ECHDC1: variants seen among roughly 807,000 people sequenced by gnomAD.
The protein encoded by ECHDC1 is ethylmalonyl-CoA decarboxylase.
A neutral mutation model predicts 29.7 loss-of-function variants in ECHDC1; 29 were observed. The ratio of observed to expected loss-of-function variants is 0.98; its 90% confidence interval spans 0.73 to 1.33. The LOEUF (loss-of-function observed/expected upper bound fraction) is 1.33. Among genes scored for constraint, ECHDC1 ranks in the 40% most tolerant of loss-of-function variants. The pLI is 0.00. For synonymous variants in ECHDC1, 126 were observed against 123.1 expected, an observed-to-expected ratio of 1.02 and a Z score of -0.15; for missense variants, 328 against 350.0, an observed-to-expected ratio of 0.94 and a Z score of 0.50.
rs768400895 is a variant in ECHDC1, at chr6:127,290,285, A to G, written c.498-8T>C. The G allele has an allele frequency of 6.2e-7, 1 of 1,603,344 alleles. No individual in the cohort carries two copies. Among genetic ancestry groups the G allele is most frequent in the Admixed American group, 1.7e-5 (1 of 57,530 alleles). On this transcript the variant is annotated splice_region_variant and splice_polypyrimidine_tract_variant and intron_variant, in intron 5 of 5. Transcript: ENST00000454859. ...CTCTCTGGAGTCATTAACCTGTAAA[A>G]GAAAAAAGAAAAGCTTAATTGTAAC...
chr6:127,296,280 G>A (rs141581358), intron 5 of ECHDC1, among the ~76,000 whole-genome samples: 2,444 of 151,976 alleles, frequency 0.016, 44 homozygotes, highest in South Asian at 0.056. Context: ...TGCAACCTCC[G>A]CCTCCCAGGT....
At chr6:127,316,648 T>C (rs1782408183) in intron 3 of ECHDC1, 146 bp from the exon 4 acceptor site, 2 of 645,880 alleles carry the variant, frequency 3.1e-6, no homozygotes, top group Non-Finnish European at 5.2e-6. Flanking sequence ...TTTGATGTTG[T>C]CTGAAATGCA....
rs764571034 is a variant in ECHDC1 at position 127,327,132 on chromosome 6, A to G, written c.233T>C (p.Leu78Pro). Residue 78 changes from leucine (L) to proline (P), a missense_variant, in exon 3 of 6, where the codon CTA becomes CCA. Leu to Pro is a moderately conservative substitution (Grantham distance 98). Transcript: ENST00000454859. The part of the protein sequence containing the change: ...RMNAFSGVMM[L>P]QLLEKVIELE... ...TTCAATTACTTTTTCCAGAAGTTGT[A>G]GCATCATAACACCTGCCAGAGATGG... 5 of 1,613,706 alleles carry G rather than the reference A, an allele frequency of 3.1e-6. No individual in the cohort carries two copies. In the African/African-American group the frequency reaches 6.7e-5, roughly 22 times the overall value.
chr6:127,314,536 T>C (rs1186559310), intron 5 of ECHDC1, among the ~76,000 whole-genome samples: 2 of 152,160 alleles, frequency 1.3e-5, no homozygotes, highest in African/African-American at 4.8e-5. Flanking sequence ...TATATTTCCT[T>C]AGCTTTCCTT....
At position 127,322,079 on chromosome 6, in the gene ECHDC1, G is replaced by A. The variant is rs535359858; in HGVS notation, c.363+4923C>T. On this transcript the variant is annotated intron_variant, in intron 3 of 5. Transcript: ENST00000454859. Reference sequence around the variant, plus strand: ...CTGGCACTTTGGGAAGCCGAGGAGGGCAGATCATTTGAGGTCAGGAGTTTG... The same window carrying A: ...CTGGCACTTTGGGAAGCCGAGGAGGACAGATCATTTGAGGTCAGGAGTTTG... Among the ~76,000 whole-genome samples, 4 of 152,208 alleles carry A rather than the reference G, an allele frequency of 2.6e-5. No individual in the cohort carries two copies. In the East Asian group the frequency reaches 7.7e-4, roughly 29 times the overall value.
rs1783856646 is a variant in ECHDC1, at chr6:127,330,825, T to C, written c.204A>G (p.Arg68=). 6.2e-7 allele frequency: 1 copy of C among 1,613,570 alleles called. No homozygotes were observed. Among genetic ancestry groups the C allele is most frequent in the African/African-American group, 1.3e-5 (1 of 74,936 alleles). ...CCCTAATACCTGAAAAGGCATTCATTCTACTTGGATTGTTCAGAGTAAGAA... is the reference window on the plus strand; with the variant it reads ...CCCTAATACCTGAAAAGGCATTCATCCTACTTGGATTGTTCAGAGTAAGAA... ...IGILTLNNPS[R]MNAFSGVMML... The change falls in exon 2 of 6, where the codon AGA becomes AGG. Residue 68 remains arginine (R), a synonymous_variant. Coordinates refer to ENST00000454859, the MANE Select transcript of ECHDC1 (RefSeq NM_001002030.2).
intron 3 of ECHDC1, among the ~76,000 whole-genome samples, chr6:127,321,934 T>C (rs1233439461): frequency 2.0e-5 from 3 of 148,160 alleles, no homozygotes; most frequent in Non-Finnish European, 3.0e-5. Context: ...ACCCAGGAGG[T>C]GGAGGTCACA....
chr6:127,336,411 T>C (rs1006581807), intron 1 of ECHDC1, among the ~76,000 whole-genome samples: 9 of 152,284 alleles, frequency 5.9e-5, no homozygotes, highest in African/African-American at 2.2e-4. Context: ...ATTTAACTTA[T>C]CTCTTTCCCT....
At chr6:127,341,050 T>C (rs1784899614) in intron 1 of ECHDC1, among the ~76,000 whole-genome samples, 1 of 152,222 alleles carries the variant, frequency 6.6e-6, no homozygotes, top group Non-Finnish European at 1.5e-5. Context: ...TCATTAGACA[T>C]CTTTGATCCA....
chr6:127,313,785 G>A (rs933947591), intron 5 of ECHDC1, among the ~76,000 whole-genome samples: 1 of 152,166 alleles, frequency 6.6e-6, no homozygotes, highest in Non-Finnish European at 1.5e-5. Flanking sequence ...ACTGGTAAGA[G>A]ACAGTTGTAT....
chr6:127,302,775 T>C (rs975019465), intron 5 of ECHDC1, among the ~76,000 whole-genome samples: 1 of 152,186 alleles, frequency 6.6e-6, no homozygotes, highest in African/African-American at 2.4e-5. Context: ...ATTTCATAAC[T>C]ACCTGTATTC....
intron 5 of ECHDC1, among the ~76,000 whole-genome samples, chr6:127,302,421 CAG>C (rs1781122967): frequency 1.3e-5 from 2 of 151,204 alleles, no homozygotes; most frequent in South Asian, 2.1e-4. Context: ...CTTTTTGAGA[CAG>C]AGTCTCGCTC....
intron 1 of ECHDC1, among the ~76,000 whole-genome samples, chr6:127,334,340 C>T (rs9401950): frequency 0.73 from 111,000 of 151,970 alleles, 40,718 homozygotes; most frequent in East Asian, 0.78. Context: ...TCTCCTTCTC[C>T]ACCACTATTT....
intron 3 of ECHDC1, 29 bp from the exon 4 acceptor site, chr6:127,316,531 A>T: frequency 1.3e-6 from 2 of 1,570,966 alleles, no homozygotes; most frequent in Non-Finnish European, 1.7e-6. Flanking sequence ...AGAAACACAA[A>T]GGTATAATGC....
chr6:127,342,277 C>A, intron 1 of ECHDC1: 1 of 1,439,650 alleles, frequency 6.9e-7, no homozygotes, highest in Non-Finnish European at 9.3e-7. Flanking sequence ...AGATAATATT[C>A]TTAAGACTAA....
At chr6:127,319,560 AG>A (rs1423722086) in intron 3 of ECHDC1, among the ~76,000 whole-genome samples, 1 of 152,206 alleles carries the variant, frequency 6.6e-6, no homozygotes, top group Non-Finnish European at 1.5e-5. Flanking sequence ...TGTCCTCCAA[AG>A]TTATTAAGCC....
At chr6:127,332,018 A>G (rs1042457365) in intron 1 of ECHDC1, among the ~76,000 whole-genome samples, 2 of 152,190 alleles carry the variant, frequency 1.3e-5, no homozygotes, top group Admixed American at 1.3e-4. Context: ...CCTTGTTGAT[A>G]TAAGATTATA....
intron 1 of ECHDC1, among the ~76,000 whole-genome samples, chr6:127,335,468 T>C (rs919854706): frequency 6.6e-6 from 1 of 152,052 alleles, no homozygotes; most frequent in African/African-American, 2.4e-5. Context: ...AAAAATGGTA[T>C]CTAAGAATAA....
intron 5 of ECHDC1, among the ~76,000 whole-genome samples, chr6:127,305,859 A>G (rs1208686544): frequency 6.6e-6 from 1 of 152,076 alleles, no homozygotes; most frequent in Non-Finnish European, 1.5e-5. Flanking sequence ...TGAGAACATC[A>G]TCATCACAAA....
Sources: allele counts gnomAD v4.1 joint callset (sites outside exome capture counted in the v4.1 genomes callset), GRCh38; gene constraint gnomAD v4.1.1; transcripts MANE v1.5; gene names NCBI Gene and HGNC (gene_info 2026-07-23, HGNC 2026-07-21).